SLC24A3: variants seen among roughly 807,000 people sequenced by gnomAD.
SLC24A3 encodes solute carrier family 24 member 3, also known as sodium/potassium/calcium exchanger 3.
Under a neutral mutation model 75.8 loss-of-function variants are expected in SLC24A3, and 28 were observed. The observed-to-expected ratio is 0.37, with a 90% CI of 0.27 to 0.51. The LOEUF (loss-of-function observed/expected upper bound fraction) is 0.51. Among genes scored for constraint, SLC24A3 ranks in the 20% least tolerant of loss-of-function variants. SLC24A3 has a pLI of 0.94. For missense variants in SLC24A3, 663 were observed against 847.8 expected (o/e 0.78, Z 2.71); for synonymous variants, 372 against 334.1 (o/e 1.11, Z -1.24).
At chr20:19,584,938 A>C in intron 4 of SLC24A3, 33 bp from the exon 5 acceptor site, 1 of 1,584,760 alleles carries the variant, frequency 6.3e-7, no homozygotes, top group African/African-American at 1.3e-5. Context: ...TGGAATCCCA[A>C]CTCACCTGTG....
At chr20:19,350,514 T>C (rs1985542605) in intron 2 of SLC24A3, among the ~76,000 whole-genome samples, 1 of 152,214 alleles carries the variant, frequency 6.6e-6, no homozygotes, top group Non-Finnish European at 1.5e-5. Flanking sequence ...TATTGGAAGA[T>C]TCTAAACAAA....
At chr20:19,386,870 T>C (rs1162690508) in intron 2 of SLC24A3, among the ~76,000 whole-genome samples, 2 of 152,144 alleles carry the variant, frequency 1.3e-5, no homozygotes, top group Non-Finnish European at 2.9e-5. Context: ...TGGCCTGTAG[T>C]ATTCTTTCTT....
intron 1 of SLC24A3, among the ~76,000 whole-genome samples, chr20:19,259,840 C>T (rs1982929036): frequency 6.6e-6 from 1 of 152,164 alleles, no homozygotes. Context: ...GTTTTTTCCC[C>T]CTGTGCTATG....
At chr20:19,653,956 T>A (rs1378103921) in intron 6 of SLC24A3, 106 bp from the exon 7 acceptor site, 5 of 788,840 alleles carry the variant, frequency 6.3e-6, no homozygotes, top group Non-Finnish European at 1.0e-5. Context: ...GCAGATTGGG[T>A]GCAGGACAGG....
rs191193203 is a variant in SLC24A3, at chr20:19,337,249, A to G, written c.271+56162A>G. On this transcript the variant is annotated intron_variant, in intron 2 of 16. Coordinates refer to ENST00000328041, the MANE Select transcript of SLC24A3 (RefSeq NM_020689.4). The stretch of plus-strand genomic sequence containing the variant: ...CACTTGAGGTCAGGAGTTCGAGACC[A>G]GCCTGACCAAAATGGAGAAACCTCG... Among the ~76,000 whole-genome samples the G allele has an allele frequency of 7.2e-5, 11 of 152,314 alleles. No homozygotes were observed. In the East Asian group the frequency reaches 2.1e-3, roughly 29 times the overall value.
At chr20:19,487,059 T>G (rs1041049047) in intron 2 of SLC24A3, among the ~76,000 whole-genome samples, 1 of 152,198 alleles carries the variant, frequency 6.6e-6, no homozygotes, top group African/African-American at 2.4e-5. Context: ...AACCTCAGCC[T>G]GTTTGTTTAT....
At chr20:19,341,051 G>A in intron 2 of SLC24A3, among the ~76,000 whole-genome samples, 1 of 152,222 alleles carries the variant, frequency 6.6e-6, no homozygotes, top group East Asian at 1.9e-4. Flanking sequence ...TAGGATGAGT[G>A]CACCAAGGTC....
At chr20:19,554,721 G>T (rs1353931476) in intron 3 of SLC24A3, among the ~76,000 whole-genome samples, 1 of 152,172 alleles carries the variant, frequency 6.6e-6, no homozygotes, top group Non-Finnish European at 1.5e-5. Flanking sequence ...ATACATCAGG[G>T]GCTCCAGAGG....
At chr20:19,309,376 G>A (rs1303283112) in intron 2 of SLC24A3, among the ~76,000 whole-genome samples, 1 of 152,066 alleles carries the variant, frequency 6.6e-6, no homozygotes, top group Non-Finnish European at 1.5e-5. Flanking sequence ...GTATATTAAG[G>A]GCCAAACCAG....
chr20:19,676,580 A>G (rs895298131), intron 9 of SLC24A3, among the ~76,000 whole-genome samples: 1 of 152,270 alleles, frequency 6.6e-6, no homozygotes, highest in African/African-American at 2.4e-5. Context: ...CACAAAATTT[A>G]AAACATTCAA....
At chr20:19,467,662 C>A (rs1987789806) in intron 2 of SLC24A3, among the ~76,000 whole-genome samples, 1 of 152,098 alleles carries the variant, frequency 6.6e-6, no homozygotes, top group African/African-American at 2.4e-5. Context: ...GTGTGGATCA[C>A]CTGAGGTCAG....
At chr20:19,355,412 C>T (rs577194861) in intron 2 of SLC24A3, among the ~76,000 whole-genome samples, 48 of 152,262 alleles carry the variant, frequency 3.2e-4, no homozygotes, top group Middle Eastern at 6.8e-3. Context: ...GATCTTAATT[C>T]CTGGGCTCAA....
chr20:19,669,275 G>C (rs1421584195), intron 8 of SLC24A3, among the ~76,000 whole-genome samples: 1 of 152,216 alleles, frequency 6.6e-6, no homozygotes, highest in Non-Finnish European at 1.5e-5. Flanking sequence ...GCTGAGGCAG[G>C]TGGATCACTT....
chr20:19,612,939 G>A (rs1224116699), intron 6 of SLC24A3, among the ~76,000 whole-genome samples: 1 of 152,112 alleles, frequency 6.6e-6, no homozygotes, highest in African/African-American at 2.4e-5. Context: ...CCTTCCTCAG[G>A]TCCCTCCAGT....
At chr20:19,530,496 C>T (rs969163539) in intron 3 of SLC24A3, among the ~76,000 whole-genome samples, 1 of 152,188 alleles carries the variant, frequency 6.6e-6, no homozygotes, top group Non-Finnish European at 1.5e-5. Flanking sequence ...GTCATTCTGT[C>T]CCAGAGCCAC....
intron 6 of SLC24A3, among the ~76,000 whole-genome samples, chr20:19,653,335 A>T (rs959277222): frequency 6.6e-6 from 1 of 152,202 alleles, no homozygotes; most frequent in Non-Finnish European, 1.5e-5. Flanking sequence ...GCATCTCTTT[A>T]AAAAGGGCTA....
intron 2 of SLC24A3, among the ~76,000 whole-genome samples, chr20:19,510,111 G>A (rs569736213): frequency 6.6e-6 from 1 of 152,192 alleles, no homozygotes; most frequent in African/African-American, 2.4e-5. Flanking sequence ...CTCCCTAAAC[G>A]AAGCTGCTGC....
intron 6 of SLC24A3, among the ~76,000 whole-genome samples, chr20:19,649,275 G>T: frequency 6.6e-6 from 1 of 152,196 alleles, no homozygotes; most frequent in Non-Finnish European, 1.5e-5. Flanking sequence ...ATCCTTCACT[G>T]AGAGGCAAAG....
intron 1 of SLC24A3, among the ~76,000 whole-genome samples, chr20:19,275,742 G>A (rs1221379324): frequency 6.6e-6 from 1 of 152,154 alleles, no homozygotes; most frequent in African/African-American, 2.4e-5. Flanking sequence ...TCCTTCCTTA[G>A]TGCATGCGGC....
Sources: allele counts gnomAD v4.1 joint callset (sites outside exome capture counted in the v4.1 genomes callset), GRCh38; gene constraint gnomAD v4.1.1; transcripts MANE v1.5; gene names NCBI Gene and HGNC (gene_info 2026-07-23, HGNC 2026-07-21).